Variants in GOLGA5 observed in about 807,000 individuals in gnomAD.
GOLGA5 encodes the protein golgin subfamily A member 5.
In GOLGA5, 50 loss-of-function variants were observed where a neutral mutation model predicts 93.5. That is an observed-to-expected ratio of 0.53 (90% CI 0.43 to 0.68). The LOEUF (loss-of-function observed/expected upper bound fraction) is 0.68. Ranked by LOEUF, GOLGA5 falls within the 30% of genes least tolerant of loss-of-function variation. GOLGA5 has a pLI of 0.00. For synonymous variants in GOLGA5, 312 were observed against 304.5 expected (o/e 1.02, Z -0.26); for missense variants, 760 against 856.4 (o/e 0.89, Z 1.40).
intron 8 of GOLGA5, among the ~76,000 whole-genome samples, chr14:92,820,083 C>A (rs753267346): frequency 6.6e-6 from 1 of 152,154 alleles, no homozygotes; most frequent in African/African-American, 2.4e-5. Flanking sequence ...AGAGAAAGAA[C>A]AGTGGGCCCA....
intron 3 of GOLGA5, among the ~76,000 whole-genome samples, chr14:92,808,773 C>T (rs1270034261): frequency 6.7e-6 from 1 of 149,714 alleles, no homozygotes; most frequent in Non-Finnish European, 1.5e-5. Context: ...TGGCTAACTG[C>T]AATTACATAT....
At chr14:92,821,431 A>G (rs1054777599) in intron 8 of GOLGA5, among the ~76,000 whole-genome samples, 3 of 152,238 alleles carry the variant, frequency 2.0e-5, no homozygotes, top group Admixed American at 6.5e-5. Context: ...AGAGTTAAAC[A>G]TAGCCACATT....
intron 1 of GOLGA5, among the ~76,000 whole-genome samples, chr14:92,794,986 T>A (rs1383216348): frequency 6.6e-6 from 1 of 152,274 alleles, no homozygotes; most frequent in African/African-American, 2.4e-5. Flanking sequence ...ATCTAAGTAT[T>A]TAATTAGGTA....
intron 8 of GOLGA5, among the ~76,000 whole-genome samples, chr14:92,823,562 G>A (rs532030894): frequency 4.0e-5 from 6 of 151,114 alleles, no homozygotes; most frequent in Non-Finnish European, 7.4e-5. Flanking sequence ...TTACAGGCAC[G>A]CACCACCGAG....
intron 2 of GOLGA5, among the ~76,000 whole-genome samples, chr14:92,803,194 C>G (rs1172074546): frequency 1.3e-5 from 2 of 151,954 alleles, no homozygotes; most frequent in Non-Finnish European, 1.5e-5. Flanking sequence ...CACCGCCATG[C>G]GTAGGTAATT....
chr14:92,796,541 C>T (rs1269868661), intron 1 of GOLGA5, among the ~76,000 whole-genome samples: 1 of 152,130 alleles, frequency 6.6e-6, no homozygotes, highest in East Asian at 1.9e-4. Flanking sequence ...AGGGGCCACC[C>T]TGACGACTCA....
At chr14:92,830,216 G>A (rs952159799) in intron 9 of GOLGA5, among the ~76,000 whole-genome samples, 1 of 152,160 alleles carries the variant, frequency 6.6e-6, no homozygotes, top group Non-Finnish European at 1.5e-5. Flanking sequence ...TATTCAGGAG[G>A]CTGAGGCAGG....
chr14:92,797,372 C>A, intron 1 of GOLGA5, 36 bp from the exon 2 acceptor site: 2 of 1,215,932 alleles, frequency 1.6e-6, no homozygotes, highest in Non-Finnish European at 2.3e-6. Context: ...TACTCTGCCA[C>A]TATGCCACAC....
At position 92,797,487 on chromosome 14, in the gene GOLGA5, G is replaced by A. The variant is rs201501111; in HGVS notation, c.50G>A (p.Arg17Gln). 226 of 1,612,634 alleles carry A rather than the reference G, an allele frequency of 1.4e-4. No homozygotes were observed. Among genetic ancestry groups the A allele is most frequent in the Non-Finnish European group, 1.8e-4 (218 of 1,179,538 alleles). ...GGAAAGGCAGAAGATCTTTTAAACC[G>A]AGTTGATCAAGGGGCTGCAACAGCT... ...LAGKAEDLLN[R>Q]VDQGAATALS... The change falls in exon 2 of 13, where the codon CGA becomes CAA. Residue 17 changes from arginine (R) to glutamine (Q), a missense_variant. Physicochemically the swap from Arg to Gln is conservative, Grantham distance 43. Transcript: ENST00000163416.
At chr14:92,824,976 C>A (rs1164269608) in intron 9 of GOLGA5, among the ~76,000 whole-genome samples, 1 of 152,166 alleles carries the variant, frequency 6.6e-6, no homozygotes, top group Non-Finnish European at 1.5e-5. Context: ...TAAGAAAAAT[C>A]TAATGATACA....
intron 5 of GOLGA5, 44 bp downstream of exon 5, chr14:92,810,421 G>GA: frequency 6.9e-7 from 1 of 1,449,874 alleles, no homozygotes; most frequent in Non-Finnish European, 9.2e-7. Flanking sequence ...CTTGGACACG[G>GA]AAAAAATGAC....
chr14:92,839,454 C>A lies in GOLGA5; in HGVS notation c.*8C>A, dbSNP rs1368906971. ...CAACCATATGGCAAATGAACCAAGC[C>A]CAGTTGTTGCAGTGATTGGTTGTCT... On this transcript the variant is annotated 3_prime_UTR_variant, in exon 13 of 13. Coordinates refer to ENST00000163416, the MANE Select transcript of GOLGA5 (RefSeq NM_005113.4). 1 of 1,585,266 alleles carries A rather than the reference C, an allele frequency of 6.3e-7. No individual in the cohort carries two copies. The highest frequency in any genetic ancestry group is 8.6e-7 in the Non-Finnish European group (1 of 1,158,860).
chr14:92,801,895 A>G (rs1001218862), intron 2 of GOLGA5, among the ~76,000 whole-genome samples: 14 of 152,078 alleles, frequency 9.2e-5, no homozygotes, highest in African/African-American at 3.4e-4. Flanking sequence ...TTATTTGTGT[A>G]TCCTTGTGCC....
At chr14:92,798,453 C>T (rs1884787520) in intron 2 of GOLGA5, among the ~76,000 whole-genome samples, 1 of 152,140 alleles carries the variant, frequency 6.6e-6, no homozygotes. Context: ...GAACTTTGAT[C>T]CAAGTTGAAG....
chr14:92,805,214 C>A (rs1443616901), intron 2 of GOLGA5, among the ~76,000 whole-genome samples: 4 of 152,238 alleles, frequency 2.6e-5, no homozygotes, highest in Non-Finnish European at 5.9e-5. Context: ...TTTTTCTCTC[C>A]TTAGTTTTGC....
Position 92,839,897 on chromosome 14 carries a change from T to G in GOLGA5, c.*451T>G, listed in dbSNP as rs1885723722. On this transcript the variant is annotated 3_prime_UTR_variant, in exon 13 of 13. Coordinates refer to ENST00000163416, the MANE Select transcript of GOLGA5 (RefSeq NM_005113.4). ...GATTTACTTTGTACATGTTACAGGC[T>G]TGATTGGTGTAAATCTTTTTATAAA... The G allele has an allele frequency of 5.6e-6, 1 of 179,886 alleles. No individual in the cohort carries two copies. Among genetic ancestry groups the G allele is most frequent in the Non-Finnish European group, 1.2e-5 (1 of 84,212 alleles). The allele number at this position is 179,886 out of a possible 1,614,324, so 11.1% of individuals were successfully genotyped here.
intron 2 of GOLGA5, among the ~76,000 whole-genome samples, chr14:92,801,176 A>G (rs1006341901): frequency 5.3e-5 from 8 of 152,232 alleles, no homozygotes; most frequent in Admixed American, 3.3e-4. Context: ...ATGTGTAGAA[A>G]TGGGATTGCT....
chr14:92,810,570 G>C (rs1885083853), intron 5 of GOLGA5, 193 bp downstream of exon 5: 3 of 376,842 alleles, frequency 8.0e-6, no homozygotes, highest in Non-Finnish European at 9.4e-6. Flanking sequence ...TATGTGTTGA[G>C]AGACAATTAA....
intron 2 of GOLGA5, among the ~76,000 whole-genome samples, chr14:92,805,177 C>T (rs558782142): frequency 4.0e-5 from 6 of 151,244 alleles, no homozygotes; most frequent in South Asian, 4.1e-4. Context: ...CTCCTCACCC[C>T]GTCCCTGAAA....
Sources: gnomAD v4.1 joint callset for allele counts (sites outside exome capture counted in the v4.1 genomes callset) on GRCh38, gnomAD v4.1.1 for gene constraint, MANE v1.5 for transcripts, NCBI Gene and HGNC (gene_info 2026-07-23, HGNC 2026-07-21) for gene names.